UGT1A4: variants seen among roughly 807,000 people sequenced by gnomAD.
UGT1A4 encodes the protein UDP-glucuronosyltransferase 1A4.
In UGT1A4, 32 loss-of-function variants were observed where a neutral mutation model predicts 41.1. The observed-to-expected ratio is 0.78, with a 90% confidence interval of 0.59 to 1.05. The LOEUF (loss-of-function observed/expected upper bound fraction) is 1.05, where lower values mean the gene tolerates loss of function less well. UGT1A4 is among the 50% of genes least tolerant of loss of function. The pLI is 0.00. For synonymous variants in UGT1A4, 283 were observed against 265.1 expected (o/e 1.07, Z -0.66); for missense variants, 748 against 677.4 (o/e 1.10, Z -1.16).
At chr2:233,721,058 T>A (rs1412499467) in intron 1 of UGT1A4, among the ~76,000 whole-genome samples, 2 of 152,122 alleles carry the variant, frequency 1.3e-5, no homozygotes, top group African/African-American at 4.8e-5. Flanking sequence ...TTTGTCATAT[T>A]CACTGAATTT....
Position 233,719,172 on chromosome 2 carries a change from A to G in UGT1A4, c.352A>G (p.Asn118Asp). The change falls in exon 1 of 5, where the codon AAC becomes GAC. Residue 118 changes from asparagine (N) to aspartate (D), a missense_variant. Asn to Asp is a conservative substitution (Grantham distance 23). Coordinates refer to ENST00000373409, the MANE Select transcript of UGT1A4 (RefSeq NM_007120.3). ...ATATTCTAGAAGTATGGCAATTATG[A>G]ACAATGTATCTTTGGCCCTTCATAG... ...KRYSRSMAIM[N>D]NVSLALHRCC... is the part of the protein sequence containing the mutation. 2 of 1,614,250 alleles carry G rather than the reference A, an allele frequency of 1.2e-6. No homozygotes were observed. The highest frequency in any genetic ancestry group is 1.7e-6 in the Non-Finnish European group (2 of 1,180,042).
Position 233,730,160 on chromosome 2 carries a change from G to A in UGT1A4, c.867+10473G>A, listed in dbSNP as rs546399055. 7.2e-5 allele frequency among the ~76,000 whole-genome samples: 11 copies of A among 152,316 alleles called. No homozygotes were observed. The East Asian group carries it at 1.7e-3, about 24-fold the overall frequency. On this transcript the variant is annotated intron_variant, in intron 1 of 4. Coordinates refer to ENST00000373409, the MANE Select transcript of UGT1A4 (RefSeq NM_007120.3). ...GAGATAAACTGTTAAGGGGTCTCTA[G>A]TAGCGTATTTCAGGTTTTAAATGGT...
chr2:233,745,507 G>T (rs1198591343), intron 1 of UGT1A4, among the ~76,000 whole-genome samples: 14 of 151,594 alleles, frequency 9.2e-5, no homozygotes, highest in Non-Finnish European at 2.9e-5. Context: ...TTCCTATAGG[G>T]TATTAGGTCT....
At position 233,739,969 on chromosome 2, in the gene UGT1A4, C is replaced by T. The variant is rs1048693209; in HGVS notation, c.867+20282C>T. Among the ~76,000 whole-genome samples, 3 of 151,864 alleles carry T rather than the reference C, an allele frequency of 2.0e-5. No homozygotes were observed. In the East Asian group the frequency reaches 5.8e-4, roughly 29 times the overall value. ...CTGGTGGGAGCTGATTGAATCATAT[C>T]GGCAGTTTTCCCCATGCTGTTCTTG... On this transcript the variant is annotated intron_variant, in intron 1 of 4. Coordinates refer to ENST00000373409, the MANE Select transcript of UGT1A4 (RefSeq NM_007120.3).
At chr2:233,756,273 T>C (rs976483084) in intron 1 of UGT1A4, 1 of 152,230 alleles carries the variant, frequency 6.6e-6, no homozygotes. Context: ...TCAAGCTCCT[T>C]TTATAAAATG....
intron 4 of UGT1A4, 126 bp from the exon 5 acceptor site, chr2:233,772,136 A>G (rs1700469037): frequency 6.5e-7 from 1 of 1,547,408 alleles, no homozygotes; most frequent in Non-Finnish European, 8.7e-7. Flanking sequence ...AACAACAATA[A>G]TAGAAACAGG....
chr2:233,772,992 CT>C lies in UGT1A4; in HGVS notation c.*434del. The C allele has an allele frequency of 1.2e-5, 3 of 257,330 alleles. No individual in the cohort carries two copies. Among genetic ancestry groups the C allele is most frequent in the South Asian group, 5.0e-5 (1 of 19,850 alleles). The allele number at this position is 257,330 out of a possible 1,614,324, so 15.9% of individuals were successfully genotyped here. Reference sequence around the variant, plus strand: ...TTAACCAATAATGGTCAGTCCTCATCTCTGTCGTGCTTCATAGGTGCCACCT... The same window carrying C: ...TTAACCAATAATGGTCAGTCCTCATCCTGTCGTGCTTCATAGGTGCCACCT... On this transcript the variant is annotated 3_prime_UTR_variant, in exon 5 of 5. Transcript: ENST00000373409.
chr2:233,743,863 G>A (rs369107156), intron 1 of UGT1A4: 364 of 1,364,642 alleles, frequency 2.7e-4, no homozygotes, highest in Middle Eastern at 2.1e-4. Context: ...CCTTCTTGAT[G>A]GCCTCGGATG....
chr2:233,743,793 C>G (rs768890081), intron 1 of UGT1A4: 1 of 1,367,374 alleles, frequency 7.3e-7, no homozygotes. Flanking sequence ...CTCCTCTCCG[C>G]TTCCTCCTTG....
At chr2:233,734,842 C>T (rs1375644897) in intron 1 of UGT1A4, among the ~76,000 whole-genome samples, 1 of 152,178 alleles carries the variant, frequency 6.6e-6, no homozygotes, top group Non-Finnish European at 1.5e-5. Flanking sequence ...GTTTCTTAAT[C>T]CAGAGTTCTA....
At chr2:233,736,278 A>G (rs1329214759) in intron 1 of UGT1A4, among the ~76,000 whole-genome samples, 1 of 152,040 alleles carries the variant, frequency 6.6e-6, no homozygotes, top group African/African-American at 2.4e-5. Flanking sequence ...AGTCACTGAT[A>G]CCCTTTCTTC....
chr2:233,767,131 C>T lies in UGT1A4; in HGVS notation c.965C>T (p.Ala322Val). The change falls in exon 2 of 5, where the codon GCA becomes GTA. Residue 322 changes from alanine to valine, a missense_variant. Coordinates refer to ENST00000373409, the MANE Select transcript of UGT1A4 (RefSeq NM_007120.3). ...VSEIPEKKAM[A>V]IADALGKIPQ... The stretch of plus-strand genomic sequence containing the variant: ...GAAATTCCAGAGAAGAAAGCTATGG[C>T]AATTGCTGATGCTTTGGGCAAAATC... 1 of 1,614,090 alleles carries T rather than the reference C, an allele frequency of 6.2e-7. No individual in the cohort carries two copies. The highest frequency in any genetic ancestry group is 8.5e-7 in the Non-Finnish European group (1 of 1,180,014).
intron 1 of UGT1A4, among the ~76,000 whole-genome samples, chr2:233,738,491 G>A (rs113157638): frequency 2.0e-5 from 3 of 152,180 alleles, no homozygotes; most frequent in Non-Finnish European, 4.4e-5. Context: ...CTTGTTGAAC[G>A]GTTTTGACCA....
intron 1 of UGT1A4, among the ~76,000 whole-genome samples, chr2:233,757,869 G>C (rs1204071676): frequency 2.6e-5 from 4 of 151,938 alleles, no homozygotes; most frequent in African/African-American, 7.3e-5. Context: ...AAAGAAAGTA[G>C]CTTCAAAAGG....
intron 1 of UGT1A4, chr2:233,753,221 C>G (rs1559397626): frequency 6.6e-6 from 1 of 152,156 alleles, no homozygotes; most frequent in East Asian, 1.9e-4. Context: ...TATTTTGATA[C>G]TTCTTGTATA....
intron 1 of UGT1A4, among the ~76,000 whole-genome samples, chr2:233,748,859 T>G (rs1694048871): frequency 6.6e-6 from 1 of 151,492 alleles, no homozygotes; most frequent in Non-Finnish European, 1.5e-5. Flanking sequence ...TAAGCCCAGT[T>G]AAGCTGGGGA....
intron 1 of UGT1A4, chr2:233,760,671 C>T: frequency 6.2e-7 from 1 of 1,614,146 alleles, no homozygotes; most frequent in Non-Finnish European, 8.5e-7. Context: ...CTGGCTGTTC[C>T]CACTTACTGC....
chr2:233,746,976 G>A (rs118160610), intron 1 of UGT1A4, among the ~76,000 whole-genome samples: 2 of 151,898 alleles, frequency 1.3e-5, no homozygotes, highest in South Asian at 2.1e-4. Flanking sequence ...TCCCCAGAGC[G>A]AGCGCAGGGT....
chr2:233,724,740 T>G (rs2077303271), intron 1 of UGT1A4, among the ~76,000 whole-genome samples: 1 of 140,730 alleles, frequency 7.1e-6, no homozygotes, highest in South Asian at 2.6e-4. Flanking sequence ...GAGGGGCTCC[T>G]CACATCCCAG....
Sources: gnomAD v4.1 joint callset for allele counts (sites outside exome capture counted in the v4.1 genomes callset) on GRCh38, gnomAD v4.1.1 for gene constraint, MANE v1.5 for transcripts, NCBI Gene and HGNC (gene_info 2026-07-23, HGNC 2026-07-21) for gene names.